WDR43: variants seen among roughly 807,000 people sequenced by gnomAD.
The protein encoded by WDR43 is WD repeat domain 43.
Under a neutral mutation model 91.4 loss-of-function variants are expected in WDR43, and 13 were observed. The ratio of observed to expected loss-of-function variants is 0.14; its 90% confidence interval spans 0.09 to 0.23. The LOEUF (loss-of-function observed/expected upper bound fraction) is 0.23, where lower values mean the gene tolerates loss of function less well. Ranked by LOEUF, WDR43 falls within the 10% of genes least tolerant of loss-of-function variation. The pLI, the probability that WDR43 is intolerant of heterozygous loss-of-function variation, is 1.00. For missense variants in WDR43, 780 were observed against 809.4 expected (o/e 0.96, Z 0.44); for synonymous variants, 331 against 287.9 (o/e 1.15, Z -1.51).
At chr2:28,943,893 AT>A (rs1671492953) in intron 16 of WDR43, among the ~76,000 whole-genome samples, 2 of 152,174 alleles carry the variant, frequency 1.3e-5, no homozygotes, top group African/African-American at 4.8e-5. Flanking sequence ...GTACATGTGC[AT>A]TCTTTTTAGA....
intron 1 of WDR43, among the ~76,000 whole-genome samples, chr2:28,897,975 C>G (rs1003977901): frequency 4.6e-5 from 7 of 152,166 alleles, no homozygotes; most frequent in Non-Finnish European, 7.3e-5. Flanking sequence ...GGGACTCTAT[C>G]TAGATGGATG....
Position 28,912,613 on chromosome 2 carries a change from G to A in WDR43, c.509G>A (p.Ser170Asn), listed in dbSNP as rs201593190. 1 of 1,613,888 alleles carries A rather than the reference G, an allele frequency of 6.2e-7. No homozygotes were observed. The highest frequency in any genetic ancestry group is 1.3e-5 in the African/African-American group (1 of 75,020). Reference sequence around the variant, plus strand: ...AGCAAATGGAAAGGCGACAATAGCAGTGTCAGTTCCCTATGTATCAGCCCA... The same window carrying A: ...AGCAAATGGAAAGGCGACAATAGCAATGTCAGTTCCCTATGTATCAGCCCA... ...VKCKWKGDNS[S>N]VSSLCISPDG... The change falls in exon 4 of 18, where the codon AGT becomes AAT. Residue 170 changes from serine to asparagine, a missense_variant. Physicochemically the swap from Ser to Asn is conservative, Grantham distance 46. Around this residue, in one of 4 missense-constraint regions of WDR43, gnomAD observed 174 missense variants for 207.3 expected, o/e 0.84. Transcript: ENST00000407426.
chr2:28,918,150 A>C (rs1197140530), intron 6 of WDR43, among the ~76,000 whole-genome samples, 155 bp downstream of exon 6: 1 of 152,214 alleles, frequency 6.6e-6, no homozygotes, highest in Non-Finnish European at 1.5e-5. Flanking sequence ...AGGAACTTAA[A>C]TCACTGTAAT....
At position 28,923,044 on chromosome 2, in the gene WDR43, T is replaced by G. The variant is rs1572593807; in HGVS notation, c.914+61T>G. On this transcript the variant is annotated intron_variant, in intron 7 of 17. Coordinates refer to ENST00000407426, the MANE Select transcript of WDR43 (RefSeq NM_015131.3). ...CTTTCCCTGACTTGTTACTTGGTCATACTCCCACCTGGTTATTCTTTGCAT... is the reference window on the plus strand; with the variant it reads ...CTTTCCCTGACTTGTTACTTGGTCAGACTCCCACCTGGTTATTCTTTGCAT... The G allele has an allele frequency of 2.2e-6, 3 of 1,379,022 alleles. No individual in the cohort carries two copies. In the East Asian group the frequency reaches 6.9e-5, roughly 32 times the overall value. The allele number at this position is 1,379,022 out of a possible 1,614,324, so 85.4% of individuals were successfully genotyped here.
intron 3 of WDR43, among the ~76,000 whole-genome samples, chr2:28,907,478 G>T (rs1670705118): frequency 6.6e-6 from 1 of 151,088 alleles, no homozygotes; most frequent in African/African-American, 2.4e-5. Context: ...ATTGGGTGTG[G>T]TGGCATGCAT....
intron 3 of WDR43, among the ~76,000 whole-genome samples, chr2:28,910,892 T>C (rs1670784270): frequency 6.6e-6 from 1 of 151,792 alleles, no homozygotes; most frequent in Non-Finnish European, 1.5e-5. Flanking sequence ...GAGACAAGGT[T>C]TCACCATGTT....
chr2:28,936,250 AT>A (rs533079119), intron 12 of WDR43, among the ~76,000 whole-genome samples: 442 of 152,282 alleles, frequency 2.9e-3, no homozygotes, highest in African/African-American at 0.01. Flanking sequence ...GTGGGTATAA[AT>A]TTTTAAAAAT....
In WDR43 at chr2:28,938,014, G is replaced by A. The variant is rs371009281; in HGVS notation, c.1620+20G>A. On this transcript the variant is annotated intron_variant, in intron 14 of 17. Transcript: ENST00000407426. ...TCCACGGTGAGTCTTTTCAGCTTCT[G>A]TTGCCGAGTATGAATAGTTTGGCTT... 1 of 1,611,160 alleles carries A rather than the reference G, an allele frequency of 6.2e-7. No individual in the cohort carries two copies. Among genetic ancestry groups the A allele is most frequent in the South Asian group, 1.1e-5 (1 of 90,882 alleles).
intron 12 of WDR43, 127 bp from the exon 13 acceptor site, chr2:28,936,795 A>G (rs1671344696): frequency 1.2e-5 from 10 of 835,626 alleles, no homozygotes; most frequent in South Asian, 9.1e-5. Context: ...CATAGACTGT[A>G]TTATGCGGTT....
chr2:28,909,982 C>T (rs13414415), intron 3 of WDR43, among the ~76,000 whole-genome samples: 3,950 of 152,058 alleles, frequency 0.026, 201 homozygotes, highest in African/African-American at 0.091. Flanking sequence ...ATGTGTATAT[C>T]ATTCCACTGG....
chr2:28,927,461 T>C, intron 9 of WDR43, 108 bp from the exon 10 acceptor site: 1 of 1,278,002 alleles, frequency 7.8e-7, no homozygotes, highest in South Asian at 1.6e-5. Flanking sequence ...TTAATTATAT[T>C]GCATTTTTCC....
At chr2:28,895,138 G>A (rs1670452641) in intron 1 of WDR43, 4 of 395,354 alleles carry the variant, frequency 1.0e-5, no homozygotes, top group Non-Finnish European at 1.7e-5. Context: ...GACCCGGCCG[G>A]CCTCGTATCC....
intron 4 of WDR43, among the ~76,000 whole-genome samples, chr2:28,913,260 A>G (rs1227346454): frequency 6.6e-6 from 1 of 152,112 alleles, no homozygotes; most frequent in East Asian, 1.9e-4. Context: ...AGCCGAAACA[A>G]GGTTTTTTTA....
At chr2:28,903,651 C>T (rs946522746) in intron 2 of WDR43, among the ~76,000 whole-genome samples, 1 of 152,210 alleles carries the variant, frequency 6.6e-6, no homozygotes, top group Non-Finnish European at 1.5e-5. Flanking sequence ...TTCTTCCCCC[C>T]TCCTCCAAGT....
At chr2:28,943,159 ACT>A (rs1347679827) in intron 16 of WDR43, among the ~76,000 whole-genome samples, 4 of 151,760 alleles carry the variant, frequency 2.6e-5, no homozygotes, top group Admixed American at 2.0e-4. Context: ...TTTTGCACAG[ACT>A]CTCTCTGTTG....
At chr2:28,921,706 C>G (rs538988883) in intron 6 of WDR43, among the ~76,000 whole-genome samples, 6 of 151,906 alleles carry the variant, frequency 3.9e-5, no homozygotes, top group African/African-American at 1.4e-4. Context: ...ATCTCTTCCC[C>G]TAAACTTTTT....
At chr2:28,906,614 T>C in intron 3 of WDR43, 33 bp downstream of exon 3, 1 of 1,599,954 alleles carries the variant, frequency 6.3e-7, no homozygotes, top group Non-Finnish European at 8.5e-7. Context: ...GGAAATGCAA[T>C]AGACGTGGAT....
rs181108892 is a variant in WDR43 at position 28,920,107 on chromosome 2, A to G, written c.849+2112A>G. On this transcript the variant is annotated intron_variant, in intron 6 of 17. Coordinates refer to ENST00000407426, the MANE Select transcript of WDR43 (RefSeq NM_015131.3). The stretch of plus-strand genomic sequence containing the variant: ...GTGATCCGCCTGTCTCGGCCTCCCA[A>G]AGTGCTGTAATTACAGGTGTGAGCC... Among the ~76,000 whole-genome samples, 923 of 152,072 alleles carry G rather than the reference A, an allele frequency of 6.1e-3. 10 individuals are homozygous for G. Among genetic ancestry groups the G allele is most frequent in the African/African-American group, 0.021 (860 of 41,486 alleles).
chr2:28,930,686 C>T (rs908437848), intron 11 of WDR43, among the ~76,000 whole-genome samples: 4 of 152,146 alleles, frequency 2.6e-5, no homozygotes, highest in African/African-American at 4.8e-5. Context: ...GCCCTCATTG[C>T]GTTCTAATTA....
Sources: gnomAD v4.1 joint callset for allele counts (sites outside exome capture counted in the v4.1 genomes callset) on GRCh38, gnomAD v4.1.1 for gene constraint, gnomAD v4.1.1 regional missense constraint, MANE v1.5 for transcripts, NCBI Gene and HGNC (gene_info 2026-07-23, HGNC 2026-07-21) for gene names.